The following ZNF676 variants were observed in gnomAD, a reference collection of about 807,000 sequenced individuals.
ZNF676 encodes zinc finger protein 676.
In ZNF676, 4 loss-of-function variants were observed where a neutral mutation model predicts 6.0. That is an observed-to-expected ratio of 0.67 (90% CI 0.33 to 1.53). The LOEUF (loss-of-function observed/expected upper bound fraction) is 1.53, where lower values mean the gene tolerates loss of function less well. ZNF676 is among the 40% of genes most tolerant of loss of function. The pLI is 0.06. For synonymous variants in ZNF676, 198 were observed against 223.1 expected (o/e 0.89, Z 1.00); for missense variants, 644 against 679.7 (o/e 0.95, Z 0.58).
At chr19:22,190,540 C>A (rs566875680) in intron 2 of ZNF676, among the ~76,000 whole-genome samples, 1 of 145,208 alleles carries the variant, frequency 6.9e-6, no homozygotes, top group Non-Finnish European at 1.5e-5. Flanking sequence ...CATTAAAGTT[C>A]CTGATTTCAA....
At chr19:22,241,997 C>T in the ZNF676 span, among the ~76,000 whole-genome samples, 3 of 151,876 alleles carry the variant, frequency 2.0e-5, no homozygotes, top group Non-Finnish European at 4.4e-5. Context: ...TGTGATGACA[C>T]TCTCTGTATC....
chr19:22,181,633 A>ATC (rs1568525449), intron 2 of ZNF676, 47 bp from the exon 3 acceptor site: 4 of 1,393,186 alleles, frequency 2.9e-6, no homozygotes, highest in East Asian at 5.0e-5. Context: ...TTAGACTCAG[A>ATC]TAAGTACAGT....
chr19:22,215,343 G>C (rs935628607), intron 1 of ZNF676, among the ~76,000 whole-genome samples: 2 of 152,126 alleles, frequency 1.3e-5, no homozygotes, highest in African/African-American at 2.4e-5. Flanking sequence ...ATTCTCCTCT[G>C]ACTACCCTCC....
chr19:22,227,463 G>C, the ZNF676 span, among the ~76,000 whole-genome samples: 2 of 152,106 alleles, frequency 1.3e-5, no homozygotes, highest in Non-Finnish European at 1.5e-5. Context: ...AGAGAAGCAA[G>C]AGCAAACAAA....
chr19:22,209,128 G>A (rs1420728458), intron 1 of ZNF676, among the ~76,000 whole-genome samples: 1 of 152,024 alleles, frequency 6.6e-6, no homozygotes, highest in South Asian at 2.1e-4. Flanking sequence ...AGCTGAGTGT[G>A]GTGGCACACG....
chr19:22,187,050 A>C (rs2023849061), intron 2 of ZNF676, among the ~76,000 whole-genome samples: 1 of 152,232 alleles, frequency 6.6e-6, no homozygotes, highest in Non-Finnish European at 1.5e-5. Flanking sequence ...GCTCTACCCC[A>C]AATCAACAGA....
chr19:22,242,874 A>G, the ZNF676 span, among the ~76,000 whole-genome samples: 2 of 151,762 alleles, frequency 1.3e-5, no homozygotes, highest in Non-Finnish European at 1.5e-5. Flanking sequence ...AGGGAGTTAC[A>G]TTATGTAGCT....
At chr19:22,234,538 A>G in the ZNF676 span, among the ~76,000 whole-genome samples, 1 of 152,218 alleles carries the variant, frequency 6.6e-6, no homozygotes, top group Non-Finnish European at 1.5e-5. Context: ...TTGATAAAAC[A>G]TAGTCAAACG....
chr19:22,226,050 C>T, the ZNF676 span, among the ~76,000 whole-genome samples: 1 of 151,828 alleles, frequency 6.6e-6, no homozygotes, highest in Non-Finnish European at 1.5e-5. Context: ...TTTTTTAAGA[C>T]ACTTATTAGC....
At chr19:22,207,281 G>A (rs2024085638) in intron 1 of ZNF676, among the ~76,000 whole-genome samples, 1 of 152,138 alleles carries the variant, frequency 6.6e-6, no homozygotes, top group Non-Finnish European at 1.5e-5. Flanking sequence ...AAAATTAGTA[G>A]CAACCCTATA....
At chr19:22,210,799 T>C (rs11667657) in intron 1 of ZNF676, among the ~76,000 whole-genome samples, 32,886 of 152,100 alleles carry the variant, frequency 0.22, 4,167 homozygotes, top group South Asian at 0.42. Context: ...ACTTATTTTC[T>C]TCCCACAGGC....
rs116865559 is a variant in ZNF676, at chr19:22,190,382, T to A, written c.130+2634A>T. Among the ~76,000 whole-genome samples, 120 of 151,534 alleles carry A rather than the reference T, an allele frequency of 7.9e-4. 1 individual carries two copies. The East Asian group carries it at 0.022, about 28-fold the overall frequency. ...CTGTAAAGATGTTCATCCTGCTCAA[T>A]GTAATCTACACAGTTAATGAAATGT... On this transcript the variant is annotated intron_variant, in intron 2 of 2. Coordinates refer to ENST00000397121, the MANE Select transcript of ZNF676 (RefSeq NM_001001411.3).
At chr19:22,206,236 G>A (rs1355545531) in intron 1 of ZNF676, among the ~76,000 whole-genome samples, 1 of 151,934 alleles carries the variant, frequency 6.6e-6, no homozygotes, top group Non-Finnish European at 1.5e-5. Context: ...ATTTCTACCA[G>A]AACAATTTCA....
intron 1 of ZNF676, among the ~76,000 whole-genome samples, chr19:22,204,842 G>T (rs1247134178): frequency 6.6e-6 from 1 of 152,046 alleles, no homozygotes; most frequent in Non-Finnish European, 1.5e-5. Flanking sequence ...ACAATTCTGA[G>T]TCAAAAGAAT....
At chr19:22,218,510 T>TG (rs2024216558), upstream of ZNF676, among the ~76,000 whole-genome samples, 3 of 151,366 alleles carry the variant, frequency 2.0e-5, no homozygotes, top group African/African-American at 7.3e-5. Flanking sequence ...ATTTTTTTTT[T>TG]TTTTTTTGTA....
intron 2 of ZNF676, among the ~76,000 whole-genome samples, chr19:22,182,585 T>TAAA (rs67699215): frequency 6.7e-5 from 3 of 45,044 alleles, no homozygotes; most frequent in Non-Finnish European, 3.8e-5. Flanking sequence ...GTCAAAGTTC[T>TAAA]AAAAAAAAAA....
chr19:22,205,603 G>A (rs1257359262), intron 1 of ZNF676, among the ~76,000 whole-genome samples: 1 of 152,008 alleles, frequency 6.6e-6, no homozygotes, highest in Non-Finnish European at 1.5e-5. Flanking sequence ...GAAGTGTTTT[G>A]AAACAAATAA....
At chr19:22,228,562 AT>A in the ZNF676 span, among the ~76,000 whole-genome samples, 1 of 152,192 alleles carries the variant, frequency 6.6e-6, no homozygotes, top group Non-Finnish European at 1.5e-5. Flanking sequence ...AGGAAGTCAA[AT>A]TGTCTCTGTT....
the ZNF676 span, among the ~76,000 whole-genome samples, chr19:22,257,025 T>C: frequency 0.015 from 2,248 of 152,192 alleles, 46 homozygotes; most frequent in African/African-American, 0.051. Flanking sequence ...ACCTAAATGC[T>C]GAGTCCAGCA....
Sources: allele counts gnomAD v4.1 joint callset (sites outside exome capture counted in the v4.1 genomes callset), GRCh38; gene constraint gnomAD v4.1.1; transcripts MANE v1.5; gene names NCBI Gene and HGNC (gene_info 2026-07-23, HGNC 2026-07-21).